The following GARIN1B variants were observed in gnomAD, a reference collection of about 807,000 sequenced individuals.
GARIN1B encodes the protein golgi associated RAB2 interactor 1B.
At chr7:128,715,228 C>T in the GARIN1B span, 1 of 985,036 alleles carries the variant, frequency 1.0e-6, no homozygotes, top group East Asian at 1.1e-4. Flanking sequence ...TGGGGAATGT[C>T]CAGGCACGGA....
At chr7:128,719,417 A>G in the GARIN1B span, among the ~76,000 whole-genome samples, 1 of 151,918 alleles carries the variant, frequency 6.6e-6, no homozygotes, top group Non-Finnish European at 1.5e-5. Context: ...CATCACCACA[A>G]TCCAGTTTCA....
the GARIN1B span, among the ~76,000 whole-genome samples, chr7:128,711,654 TACAGACACACACACAC>T: frequency 9.3e-6 from 1 of 107,800 alleles, no homozygotes; most frequent in Non-Finnish European, 1.9e-5. Flanking sequence ...ATTTTGGTTT[TACAGACACACACACAC>T]ACACACACAC....
the GARIN1B span, among the ~76,000 whole-genome samples, chr7:128,709,581 G>C: frequency 1.3e-5 from 2 of 152,034 alleles, no homozygotes; most frequent in African/African-American, 2.4e-5. Context: ...ATCTAAACTT[G>C]CTGGAAAGAG....
the GARIN1B span, chr7:128,713,997 C>T: frequency 5.9e-6 from 9 of 1,530,272 alleles, no homozygotes; most frequent in Non-Finnish European, 7.0e-6. Flanking sequence ...CATGAAGACA[C>T]TTTTCCTACC....
chr7:128,713,997 C>A, the GARIN1B span: 2 of 1,530,390 alleles, frequency 1.3e-6, no homozygotes, highest in Non-Finnish European at 8.7e-7. Context: ...CATGAAGACA[C>A]TTTTCCTACC....
At chr7:128,715,873 T>G in the GARIN1B span, among the ~76,000 whole-genome samples, 1 of 152,054 alleles carries the variant, frequency 6.6e-6, no homozygotes, top group Non-Finnish European at 1.5e-5. Context: ...AGACGGGGCT[T>G]CTCCTACAGA....
chr7:128,716,539 C>T, the GARIN1B span, among the ~76,000 whole-genome samples: 5 of 152,096 alleles, frequency 3.3e-5, no homozygotes, highest in African/African-American at 1.2e-4. Context: ...TGGCTATCAA[C>T]AAGAATTGAT....
At chr7:128,720,080 T>A in the GARIN1B span, among the ~76,000 whole-genome samples, 33 of 152,330 alleles carry the variant, frequency 2.2e-4, no homozygotes, top group African/African-American at 7.7e-4. Flanking sequence ...GTTCTTCATC[T>A]GATAGATGAT....
the GARIN1B span, among the ~76,000 whole-genome samples, chr7:128,729,464 G>T: frequency 2.2e-4 from 34 of 152,332 alleles, no homozygotes; most frequent in African/African-American, 7.7e-4. Flanking sequence ...AAGGTGCTGG[G>T]CTGTGGGCCA....
the GARIN1B span, among the ~76,000 whole-genome samples, chr7:128,718,506 T>C: frequency 2.5e-4 from 38 of 151,996 alleles, no homozygotes; most frequent in African/African-American, 8.9e-4. Flanking sequence ...CTAGCCACCT[T>C]ACCTCCTAGG....
chr7:128,714,011 T>C, the GARIN1B span: 1 of 1,532,946 alleles, frequency 6.5e-7, no homozygotes, highest in Non-Finnish European at 8.7e-7. Context: ...TCCTACCTGG[T>C]AAACAAAAGA....
At chr7:128,724,630 C>A in the GARIN1B span, 1 of 964,552 alleles carries the variant, frequency 1.0e-6, no homozygotes, top group Non-Finnish European at 1.4e-6. Context: ...ACAGAATATT[C>A]AGTCCCAGAT....
At chr7:128,719,153 T>G in the GARIN1B span, 2 of 1,537,678 alleles carry the variant, frequency 1.3e-6, no homozygotes, top group Non-Finnish European at 1.8e-6. Context: ...CCAGCTGGTA[T>G]GTGAGTGCCC....
chr7:128,729,700 A>C, the GARIN1B span, among the ~76,000 whole-genome samples: 1 of 151,812 alleles, frequency 6.6e-6, no homozygotes, highest in Admixed American at 6.6e-5. Flanking sequence ...TGGAATTCTG[A>C]CTCTGCTTCT....
chr7:128,712,902 T>C, the GARIN1B span, among the ~76,000 whole-genome samples: 1,092 of 152,342 alleles, frequency 7.2e-3, 12 homozygotes, highest in African/African-American at 0.025. Context: ...TACATCTCCT[T>C]TTCCAGAAGG....
chr7:128,731,612 A>C, the GARIN1B span: 1 of 166,200 alleles, frequency 6.0e-6, no homozygotes, highest in South Asian at 1.6e-4. Context: ...AGCCATAAAC[A>C]AAAAAAAGAA....
the GARIN1B span, among the ~76,000 whole-genome samples, chr7:128,725,558 G>T: frequency 6.6e-6 from 1 of 152,150 alleles, no homozygotes; most frequent in Non-Finnish European, 1.5e-5. Context: ...TTTTATTAGA[G>T]ATGGGGTTTC....
chr7:128,728,941 C>T, the GARIN1B span, among the ~76,000 whole-genome samples: 1 of 152,204 alleles, frequency 6.6e-6, no homozygotes, highest in Non-Finnish European at 1.5e-5. Context: ...CATTCAAACA[C>T]ACATATGTAT....
chr7:128,710,603 G>A, the GARIN1B span, among the ~76,000 whole-genome samples: 1 of 151,952 alleles, frequency 6.6e-6, no homozygotes, highest in Non-Finnish European at 1.5e-5. Flanking sequence ...TCAGTTTTCT[G>A]TCATGCCAGC....
Sources: allele counts gnomAD v4.1 joint callset (sites outside exome capture counted in the v4.1 genomes callset), GRCh38; gene constraint gnomAD v4.1.1; transcripts MANE v1.5; gene names NCBI Gene and HGNC (gene_info 2026-07-23, HGNC 2026-07-21).